KIAA0825: variants seen among roughly 807,000 people sequenced by gnomAD.
The protein encoded by KIAA0825 is uncharacterized protein KIAA0825.
A neutral mutation model predicts 147.6 loss-of-function variants in KIAA0825; 119 were observed. The observed-to-expected ratio is 0.81, with a 90% confidence interval of 0.69 to 0.94. The LOEUF (loss-of-function observed/expected upper bound fraction) is 0.94. KIAA0825 is among the 40% of genes least tolerant of loss of function. The pLI is 0.00. For missense variants in KIAA0825, 1,381 were observed against 1,472.7 expected (o/e 0.94, Z 1.02); for synonymous variants, 470 against 518.1 (o/e 0.91, Z 1.26).
chr5:94,171,121 TC>T (rs1383094333), intron 20 of KIAA0825, among the ~76,000 whole-genome samples: 3 of 152,166 alleles, frequency 2.0e-5, no homozygotes, highest in Non-Finnish European at 4.4e-5. Context: ...GAATTGTAAC[TC>T]CCACAATTCC....
chr5:94,582,554 T>G lies in KIAA0825; in HGVS notation c.-123A>C, dbSNP rs1263270041. 1 of 121,934 alleles carries G rather than the reference T, an allele frequency of 8.2e-6. No homozygotes were observed. The highest frequency in any genetic ancestry group is 1.8e-5 in the Non-Finnish European group (1 of 55,796). 7.6% of individuals were successfully genotyped at this position (121,934 alleles called of 1,614,324 possible). Reference sequence around the variant, plus strand: ...CTCTTTTCTAGTAACTTCAGCAACGTTTTTTTTTCCCAAAGTATGTAAAAT... The same window carrying G: ...CTCTTTTCTAGTAACTTCAGCAACGGTTTTTTTTCCCAAAGTATGTAAAAT... On this transcript the variant is annotated 5_prime_UTR_variant, in exon 2 of 21. Coordinates refer to ENST00000682413, the MANE Select transcript of KIAA0825 (RefSeq NM_001145678.3).
chr5:94,424,039 C>G (rs1198655587), intron 14 of KIAA0825, among the ~76,000 whole-genome samples: 1 of 152,040 alleles, frequency 6.6e-6, no homozygotes, highest in East Asian at 1.9e-4. Flanking sequence ...ATTAATATAA[C>G]TTTTTTTACA....
At chr5:94,164,755 G>A (rs1767885306) in intron 20 of KIAA0825, among the ~76,000 whole-genome samples, 1 of 151,976 alleles carries the variant, frequency 6.6e-6, no homozygotes, top group South Asian at 2.1e-4. Context: ...ACATGCACTG[G>A]GGAAAAGACA....
intron 5 of KIAA0825, among the ~76,000 whole-genome samples, chr5:94,500,029 G>A (rs1764878035): frequency 6.6e-6 from 1 of 152,174 alleles, no homozygotes. Flanking sequence ...AGGGAATGAA[G>A]AGAGTAAGAG....
chr5:94,405,027 G>C (rs1751868691), intron 15 of KIAA0825, among the ~76,000 whole-genome samples: 1 of 152,084 alleles, frequency 6.6e-6, no homozygotes, highest in African/African-American at 2.4e-5. Flanking sequence ...AAGTTGAAAA[G>C]AACTGTGACT....
At chr5:94,217,820 G>T (rs1156241595) in intron 20 of KIAA0825, among the ~76,000 whole-genome samples, 1 of 152,046 alleles carries the variant, frequency 6.6e-6, no homozygotes, top group Non-Finnish European at 1.5e-5. Context: ...GGGATTGTGT[G>T]AATAATACTT....
chr5:94,583,669 C>G (rs754928274), intron 1 of KIAA0825, among the ~76,000 whole-genome samples: 11 of 152,310 alleles, frequency 7.2e-5, no homozygotes, highest in Middle Eastern at 3.4e-3. Flanking sequence ...CTGAAGAGAA[C>G]AGTGGTTCTC....
intron 20 of KIAA0825, among the ~76,000 whole-genome samples, chr5:94,333,533 T>C (rs780923102): frequency 4.6e-5 from 7 of 152,104 alleles, no homozygotes; most frequent in Non-Finnish European, 1.0e-4. Flanking sequence ...GATCAGATGG[T>C]TGTAGATGTG....
intron 3 of KIAA0825, among the ~76,000 whole-genome samples, chr5:94,524,913 C>T (rs893033447): frequency 2.0e-5 from 3 of 151,936 alleles, no homozygotes; most frequent in Non-Finnish European, 3.0e-5. Flanking sequence ...GATAAAATAA[C>T]AGATACACTA....
In KIAA0825 at chr5:94,153,876, G is replaced by T; in HGVS notation, c.*131C>A. The T allele has an allele frequency of 1.6e-6, 1 of 614,582 alleles. No individual in the cohort carries two copies. The allele number at this position is 614,582 out of a possible 1,614,324, so 38.1% of individuals were successfully genotyped here. ...CCTTTATGTGCTGTATTCCTTTTCAGTACAGAGATTACTCAGTCATTGGTT... is the reference window on the plus strand; with the variant it reads ...CCTTTATGTGCTGTATTCCTTTTCATTACAGAGATTACTCAGTCATTGGTT... On this transcript the variant is annotated 3_prime_UTR_variant, in exon 21 of 21. Transcript: ENST00000682413.
intron 14 of KIAA0825, among the ~76,000 whole-genome samples, chr5:94,418,190 A>C (rs147038922): frequency 6.6e-6 from 1 of 152,280 alleles, no homozygotes; most frequent in East Asian, 1.9e-4. Flanking sequence ...AATCTAAAGC[A>C]TTTCAGAATA....
At chr5:94,550,468 TG>T (rs1389196475) in intron 2 of KIAA0825, among the ~76,000 whole-genome samples, 1 of 152,196 alleles carries the variant, frequency 6.6e-6, no homozygotes, top group African/African-American at 2.4e-5. Flanking sequence ...TCCATTAAAT[TG>T]GAAGAGGCAA....
At position 94,396,132 on chromosome 5, in the gene KIAA0825, A is replaced by G. The variant is rs1184640726; in HGVS notation, c.3265T>C (p.Leu1089=). ...GTGCTCAGTTTCCTTGCTTTCAACA[A>G]TTGACGTTCAATCCAGTTGGGCTTC... ...QQKPNWIERQ[L]LKARKLSTEC... is the part of the protein sequence containing the mutation. The change falls in exon 17 of 21, where the codon TTG becomes CTG. Residue 1089 remains leucine, a synonymous_variant. Coordinates refer to ENST00000682413, the MANE Select transcript of KIAA0825 (RefSeq NM_001145678.3). 6.6e-7 allele frequency: 1 copy of G among 1,504,746 alleles called. No individual in the cohort carries two copies. The highest frequency in any genetic ancestry group is 1.3e-5 in the South Asian group (1 of 76,072). 93.2% of individuals were successfully genotyped at this position (1,504,746 alleles called of 1,614,324 possible).
chr5:94,301,097 C>T (rs1221516556), intron 20 of KIAA0825, among the ~76,000 whole-genome samples: 2 of 152,180 alleles, frequency 1.3e-5, no homozygotes, highest in Non-Finnish European at 2.9e-5. Context: ...TTCTGCATAG[C>T]CTCTTTCACT....
intron 1 of KIAA0825, chr5:94,594,880 AT>A (rs1784992750): frequency 4.9e-5 from 13 of 267,548 alleles, no homozygotes; most frequent in South Asian, 1.6e-4. Flanking sequence ...AAAATAGTAG[AT>A]AAAAAAAAAA....
chr5:94,573,015 G>A (rs981474357), intron 2 of KIAA0825, among the ~76,000 whole-genome samples: 1 of 151,906 alleles, frequency 6.6e-6, no homozygotes, highest in South Asian at 2.1e-4. Flanking sequence ...AAGGTGGTCA[G>A]GGTACCGCTT....
At chr5:94,416,861 A>G (rs1562476562) in intron 15 of KIAA0825, 1 of 187,590 alleles carries the variant, frequency 5.3e-6, no homozygotes, top group Non-Finnish European at 1.1e-5. Flanking sequence ...ATCACAAAAT[A>G]CTTTTCACAT....
chr5:94,273,684 G>A (rs1253979193), intron 20 of KIAA0825, among the ~76,000 whole-genome samples: 1 of 152,070 alleles, frequency 6.6e-6, no homozygotes, highest in African/African-American at 2.4e-5. Flanking sequence ...GGTGATTGGG[G>A]TTTAAATCTC....
intron 20 of KIAA0825, among the ~76,000 whole-genome samples, chr5:94,306,136 C>T (rs1778715598): frequency 6.6e-6 from 1 of 151,562 alleles, no homozygotes; most frequent in Non-Finnish European, 1.5e-5. Flanking sequence ...TATAAAATAG[C>T]TATGGCCACC....
Sources: gnomAD v4.1 joint callset for allele counts (sites outside exome capture counted in the v4.1 genomes callset) on GRCh38, gnomAD v4.1.1 for gene constraint, MANE v1.5 for transcripts, NCBI Gene and HGNC (gene_info 2026-07-23, HGNC 2026-07-21) for gene names.